BMPR2: variants seen among roughly 807,000 people sequenced by gnomAD.
BMPR2 encodes the protein bone morphogenetic protein receptor type-2.
BMPR2 carries 29 observed loss-of-function variants against 100.8 expected under a neutral mutation model. The observed-to-expected ratio is 0.29, with a 90% CI of 0.21 to 0.39. BMPR2 has a LOEUF of 0.39. Among genes scored for constraint, BMPR2 ranks in the 10% least tolerant of loss-of-function variants. The pLI is 1.00. For synonymous variants in BMPR2, 382 were observed against 442.3 expected (o/e 0.86, Z 1.71); for missense variants, 1,011 against 1,274.5 (o/e 0.79, Z 3.15).
At chr2:202,391,964 AT>A (rs1382614305) in intron 1 of BMPR2, among the ~76,000 whole-genome samples, 1 of 150,710 alleles carries the variant, frequency 6.6e-6, no homozygotes, top group Non-Finnish European at 1.5e-5. Flanking sequence ...GTTTCACCAT[AT>A]TGCCCGGGAT....
At chr2:202,534,278 T>A (rs1688084190) in intron 9 of BMPR2, among the ~76,000 whole-genome samples, 1 of 150,600 alleles carries the variant, frequency 6.6e-6, no homozygotes, top group Admixed American at 6.6e-5. Flanking sequence ...ATTTATTTTT[T>A]ATTGATAATT....
chr2:202,542,655 A>G (rs1482629076), intron 10 of BMPR2, among the ~76,000 whole-genome samples: 1 of 152,200 alleles, frequency 6.6e-6, no homozygotes, highest in African/African-American at 2.4e-5. Flanking sequence ...CAAGCTTAAA[A>G]TACTATTTAG....
chr2:202,409,387 A>G (rs960108206), intron 1 of BMPR2, among the ~76,000 whole-genome samples: 2 of 152,042 alleles, frequency 1.3e-5, no homozygotes, highest in African/African-American at 4.8e-5. Flanking sequence ...CAAAAAAATT[A>G]TATTTTCCAA....
chr2:202,523,123 A>G (rs1299790363), intron 7 of BMPR2, among the ~76,000 whole-genome samples: 2 of 152,244 alleles, frequency 1.3e-5, no homozygotes, highest in Non-Finnish European at 2.9e-5. Context: ...CAACAAATAT[A>G]TGAAAAAATG....
chr2:202,514,227 C>G (rs1344204703), intron 4 of BMPR2, among the ~76,000 whole-genome samples: 5 of 152,138 alleles, frequency 3.3e-5, no homozygotes, highest in Non-Finnish European at 7.3e-5. Context: ...GCTCCGCCCC[C>G]CAGGGTTCAC....
intron 1 of BMPR2, among the ~76,000 whole-genome samples, chr2:202,449,142 C>G (rs1691921839): frequency 6.6e-6 from 1 of 151,686 alleles, no homozygotes; most frequent in South Asian, 2.1e-4. Context: ...AACCCTGTCT[C>G]TACTAAAAAT....
chr2:202,557,584 C>T (rs539028365), intron 12 of BMPR2, among the ~76,000 whole-genome samples: 150 of 150,298 alleles, frequency 1.0e-3, no homozygotes, highest in African/African-American at 3.3e-3. Flanking sequence ...GGAGAATCGC[C>T]TTAACCCAGG....
intron 3 of BMPR2, among the ~76,000 whole-genome samples, chr2:202,468,808 A>G (rs934666934): frequency 1.3e-5 from 2 of 152,218 alleles, no homozygotes; most frequent in African/African-American, 2.4e-5. Flanking sequence ...TATTAGATGC[A>G]AAAAGTACAT....
chr2:202,517,942 A>G (rs1687744636), intron 5 of BMPR2, among the ~76,000 whole-genome samples: 2 of 144,306 alleles, frequency 1.4e-5, no homozygotes, highest in Middle Eastern at 3.8e-3. Flanking sequence ...CCTCCTGAGT[A>G]AGTGGGACTA....
In BMPR2 at chr2:202,467,550, G is replaced by A. The variant is rs1415724046; in HGVS notation, c.279G>A (p.Glu93=). ...GCWSHIGDPQ[E]CHYEECVVTT... ...GGTCTCACATTGGAGATCCCCAAGAGTGTCACTATGAAGAATGTGTAGTAA... is the reference window on the plus strand; with the variant it reads ...GGTCTCACATTGGAGATCCCCAAGAATGTCACTATGAAGAATGTGTAGTAA... Residue 93 remains glutamate, a synonymous_variant, in exon 3 of 13, where the codon GAG becomes GAA. Coordinates refer to ENST00000374580, the MANE Select transcript of BMPR2 (RefSeq NM_001204.7). 4 of 1,566,354 alleles carry A rather than the reference G, an allele frequency of 2.6e-6. No individual in the cohort carries two copies. The highest frequency in any genetic ancestry group is 1.1e-5 in the South Asian group (1 of 90,116).
At chr2:202,380,965 CTTTTTTTTTT>C (rs1159400445) in intron 1 of BMPR2, among the ~76,000 whole-genome samples, 60 of 70,788 alleles carry the variant, frequency 8.5e-4, no homozygotes, top group African/African-American at 2.5e-3. Flanking sequence ...TTCTTTCTTT[CTTTTTTTTTT>C]TTTTTTTTTT....
At chr2:202,475,756 G>C (rs1437026946) in intron 3 of BMPR2, among the ~76,000 whole-genome samples, 1 of 152,096 alleles carries the variant, frequency 6.6e-6, no homozygotes, top group Admixed American at 6.6e-5. Context: ...GATAAACTCA[G>C]TGGAAGCTTT....
Position 202,435,950 on chromosome 2 carries a change from T to C in BMPR2, c.77-28859T>C, listed in dbSNP as rs149275158. 1.9e-3 allele frequency among the ~76,000 whole-genome samples: 283 copies of C among 150,770 alleles called. 4 individuals are homozygous for C. In the Middle Eastern group the frequency reaches 0.034, roughly 18 times the overall value. On this transcript the variant is annotated intron_variant, in intron 1 of 12. Transcript: ENST00000374580. ...ACGATGAAGTCACCTAACAACAAATTTCTCAGAACATATTTCTGTCATTAA... is the reference window on the plus strand; with the variant it reads ...ACGATGAAGTCACCTAACAACAAATCTCTCAGAACATATTTCTGTCATTAA...
chr2:202,475,533 A>G (rs1430670241), intron 3 of BMPR2, among the ~76,000 whole-genome samples: 1 of 152,300 alleles, frequency 6.6e-6, no homozygotes, highest in Non-Finnish European at 1.5e-5. Context: ...CCATTTACAC[A>G]TTATTTATTG....
intron 3 of BMPR2, among the ~76,000 whole-genome samples, chr2:202,493,848 G>A (rs1240514693): frequency 2.6e-5 from 4 of 151,992 alleles, no homozygotes; most frequent in Non-Finnish European, 5.9e-5. Context: ...CTCATCGAAT[G>A]CCTTGATTCA....
chr2:202,555,055 A>G (rs1284127942), intron 11 of BMPR2, among the ~76,000 whole-genome samples, 197 bp from the exon 12 acceptor site: 2 of 152,222 alleles, frequency 1.3e-5, no homozygotes, highest in Non-Finnish European at 2.9e-5. Flanking sequence ...AGTAGGCTTA[A>G]TTCACATAAA....
chr2:202,472,162 T>C (rs1431022781), intron 3 of BMPR2, among the ~76,000 whole-genome samples: 1 of 152,224 alleles, frequency 6.6e-6, no homozygotes, highest in Non-Finnish European at 1.5e-5. Flanking sequence ...GACCATACTC[T>C]AGGATCATCA....
At chr2:202,521,404 A>C (rs887623567) in intron 7 of BMPR2, among the ~76,000 whole-genome samples, 4 of 152,036 alleles carry the variant, frequency 2.6e-5, no homozygotes, top group African/African-American at 9.7e-5. Flanking sequence ...CTGTCTCTAC[A>C]AAAAATATAA....
Position 202,534,138 on chromosome 2 carries a change from G to A in BMPR2, c.1276+1406G>A, listed in dbSNP as rs367862545. ...AATTGTTTGGCTTTAAAGACATTAG[G>A]CATTACACATTAGTTTATATATATC... is the stretch of plus-strand genomic sequence containing the variant. On this transcript the variant is annotated intron_variant, in intron 9 of 12. Coordinates refer to ENST00000374580, the MANE Select transcript of BMPR2 (RefSeq NM_001204.7). 8.1e-5 allele frequency among the ~76,000 whole-genome samples: 12 copies of A among 148,354 alleles called. No homozygotes were observed. In the East Asian group the frequency reaches 2.4e-3, roughly 29 times the overall value.
Sources: allele counts gnomAD v4.1 joint callset (sites outside exome capture counted in the v4.1 genomes callset), GRCh38; gene constraint gnomAD v4.1.1; transcripts MANE v1.5; gene names NCBI Gene and HGNC (gene_info 2026-07-23, HGNC 2026-07-21).